The following ADGRL2 variants were observed in gnomAD, a reference collection of about 807,000 sequenced individuals.
The protein encoded by ADGRL2 is adhesion G protein-coupled receptor L2.
In ADGRL2, 44 loss-of-function variants were observed where a neutral mutation model predicts 157.4. The observed-to-expected ratio is 0.28, with a 90% CI of 0.22 to 0.36. ADGRL2 has a LOEUF of 0.36. Among genes scored for constraint, ADGRL2 ranks in the 10% least tolerant of loss-of-function variants. The pLI is 1.00. For synonymous variants in ADGRL2, 585 were observed against 624.7 expected (o/e 0.94, Z 0.95); for missense variants, 1,510 against 1,768.9 (o/e 0.85, Z 2.63).
chr1:81,455,560 A>G (rs1371213976), intron 2 of ADGRL2, among the ~76,000 whole-genome samples: 1 of 152,214 alleles, frequency 6.6e-6, no homozygotes, highest in Non-Finnish European at 1.5e-5. Context: ...GAGGTGTGTT[A>G]CATATTAGAA....
At chr1:81,391,892 A>G (rs539740630) in intron 1 of ADGRL2, among the ~76,000 whole-genome samples, 2 of 152,288 alleles carry the variant, frequency 1.3e-5, no homozygotes, top group South Asian at 2.1e-4. Context: ...AAGTACTACC[A>G]TTTATTAAAT....
chr1:81,830,950 T>C (rs1309113683), intron 1 of ADGRL2, among the ~76,000 whole-genome samples: 1 of 152,178 alleles, frequency 6.6e-6, no homozygotes, highest in Admixed American at 6.6e-5. Context: ...TGGTTGTATA[T>C]ATAGACCAAG....
intron 1 of ADGRL2, among the ~76,000 whole-genome samples, chr1:81,819,677 A>G (rs2090787073): frequency 6.6e-6 from 1 of 152,114 alleles, no homozygotes; most frequent in African/African-American, 2.4e-5. Context: ...GATTTCTAGT[A>G]GGTAATCAAG....
chr1:81,435,245 A>G (rs2077388417), intron 1 of ADGRL2, among the ~76,000 whole-genome samples: 1 of 152,198 alleles, frequency 6.6e-6, no homozygotes, highest in East Asian at 1.9e-4. Flanking sequence ...GCAACTGACA[A>G]AAGAACTGGA....
chr1:81,596,013 C>T (rs1021584295), intron 3 of ADGRL2: 1 of 252,206 alleles, frequency 4.0e-6, no homozygotes, highest in South Asian at 4.8e-5. Flanking sequence ...TATAAGAGCA[C>T]TGTTCCCATT....
chr1:81,408,582 A>G (rs1436094592), intron 1 of ADGRL2, among the ~76,000 whole-genome samples: 4 of 152,206 alleles, frequency 2.6e-5, no homozygotes, highest in Admixed American at 6.5e-5. Flanking sequence ...CTTAGAAAAA[A>G]TAGAAGGCAT....
intron 1 of ADGRL2, among the ~76,000 whole-genome samples, chr1:81,804,577 T>C (rs1413215303): frequency 1.3e-5 from 2 of 152,246 alleles, no homozygotes; most frequent in Non-Finnish European, 2.9e-5. Flanking sequence ...TACTGTTTTG[T>C]AGTTATGTGG....
intron 2 of ADGRL2, among the ~76,000 whole-genome samples, chr1:81,571,825 A>G (rs1408445368): frequency 6.6e-6 from 1 of 152,142 alleles, no homozygotes; most frequent in Non-Finnish European, 1.5e-5. Flanking sequence ...GACCTTATAT[A>G]TTGTGTCCAA....
chr1:81,724,670 T>G (rs1256758048), intron 1 of ADGRL2, among the ~76,000 whole-genome samples: 3 of 152,258 alleles, frequency 2.0e-5, no homozygotes, highest in Non-Finnish European at 4.4e-5. Context: ...CAATTTAAAG[T>G]GCTAGTGCTT....
intron 1 of ADGRL2, among the ~76,000 whole-genome samples, chr1:81,417,164 C>T (rs74848942): frequency 0.017 from 2,537 of 152,142 alleles, 68 homozygotes; most frequent in African/African-American, 0.058. Context: ...AAATCTGTTG[C>T]GACCCATGCA....
chr1:81,786,305 C>T (rs552103655), intron 2 of ADGRL2, among the ~76,000 whole-genome samples: 67 of 152,290 alleles, frequency 4.4e-4, no homozygotes, highest in African/African-American at 1.6e-3. Flanking sequence ...TAGCCAGGTA[C>T]AATGGCTCAC....
intron 2 of ADGRL2, among the ~76,000 whole-genome samples, chr1:81,525,221 A>C (rs1177752686): frequency 1.3e-5 from 2 of 152,202 alleles, no homozygotes; most frequent in African/African-American, 4.8e-5. Flanking sequence ...CCTCTCTTCA[A>C]ACCAGTAAGC....
At chr1:81,950,995 G>A in intron 7 of ADGRL2, 23 bp from the exon 8 acceptor site, 1 of 1,507,932 alleles carries the variant, frequency 6.6e-7, no homozygotes, top group Non-Finnish European at 9.2e-7. Flanking sequence ...CAATTTCACT[G>A]TTGTTTTCTA....
chr1:81,881,788 C>T (rs192303443), intron 2 of ADGRL2, among the ~76,000 whole-genome samples: 2 of 152,286 alleles, frequency 1.3e-5, no homozygotes, highest in African/African-American at 2.4e-5. Flanking sequence ...TTCTTTGCTT[C>T]CCCTGTAGAC....
At chr1:81,951,814 C>T (rs554043637) in intron 8 of ADGRL2, 143 bp from the exon 9 acceptor site, 77 of 495,102 alleles carry the variant, frequency 1.6e-4, no homozygotes, top group African/African-American at 6.3e-4. Context: ...ACTTCTAAGA[C>T]GAAGGGAAAG....
At chr1:81,354,361 T>G (rs1663127374) in intron 1 of ADGRL2, among the ~76,000 whole-genome samples, 1 of 152,234 alleles carries the variant, frequency 6.6e-6, no homozygotes, top group South Asian at 2.1e-4. Context: ...GATTCTAAGC[T>G]TCCTCTGTAA....
At chr1:81,333,410 A>ATTTATTT (rs1553154285) in intron 1 of ADGRL2, among the ~76,000 whole-genome samples, 1 of 149,190 alleles carries the variant, frequency 6.7e-6, no homozygotes, top group Admixed American at 6.7e-5. Context: ...TTAATTAATT[A>ATTTATTT]ATTTATTTAT....
rs1162175257 is a variant in ADGRL2, at chr1:81,943,783, C to A, written c.1210+14C>A. ...ATCCTGCCCAAGGTAAGCGTGTTTACTTGCTAATGCTTATGTCATTTTGTG... is the reference window on the plus strand; with the variant it reads ...ATCCTGCCCAAGGTAAGCGTGTTTAATTGCTAATGCTTATGTCATTTTGTG... On this transcript the variant is annotated intron_variant, in intron 6 of 23. Coordinates refer to ENST00000686636, the MANE Select transcript of ADGRL2 (RefSeq NM_001366006.2). The surrounding 1 kb of genome is among the most constrained non-coding windows in gnomAD (Gnocchi z 5.6). 6.4e-7 allele frequency: 1 copy of A among 1,573,150 alleles called. No homozygotes were observed. The highest frequency in any genetic ancestry group is 1.4e-5 in the African/African-American group (1 of 73,366).
At chr1:81,835,068 A>G (rs2092196774) in intron 1 of ADGRL2, among the ~76,000 whole-genome samples, 1 of 151,916 alleles carries the variant, frequency 6.6e-6, no homozygotes, top group African/African-American at 2.4e-5. Flanking sequence ...CCTCCTTCCC[A>G]CAAACAAGGG....
Sources: gnomAD v4.1 joint callset for allele counts (sites outside exome capture counted in the v4.1 genomes callset) on GRCh38, gnomAD v4.1.1 for gene constraint, Gnocchi (gnomAD v3.1) non-coding constraint, MANE v1.5 for transcripts, NCBI Gene and HGNC (gene_info 2026-07-23, HGNC 2026-07-21) for gene names.